The following KLHL5 variants were observed in gnomAD, a reference collection of about 807,000 sequenced individuals.
KLHL5 encodes kelch-like protein 5.
Under a neutral mutation model 77.7 loss-of-function variants are expected in KLHL5, and 48 were observed. The observed-to-expected ratio is 0.62, with a 90% CI of 0.49 to 0.79. The LOEUF is 0.79. Ranked by LOEUF, KLHL5 falls within the 30% of genes least tolerant of loss-of-function variation. The pLI, the probability that KLHL5 is intolerant of heterozygous loss-of-function variation, is 0.00. For missense variants in KLHL5, 723 were observed against 859.7 expected, an observed-to-expected ratio of 0.84 and a Z score of 1.99; for synonymous variants, 260 against 297.0, an observed-to-expected ratio of 0.88 and a Z score of 1.28.
At chr4:39,130,104 A>G (rs1723738124), downstream of KLHL5, among the ~76,000 whole-genome samples, 1 of 152,192 alleles carries the variant, frequency 6.6e-6, no homozygotes, top group South Asian at 2.1e-4. Flanking sequence ...AAAGACATAT[A>G]CGCAGAAATA....
At chr4:39,127,630 T>C (rs1175658256), downstream of KLHL5, among the ~76,000 whole-genome samples, 3 of 152,034 alleles carry the variant, frequency 2.0e-5, no homozygotes, top group Admixed American at 1.3e-4. Context: ...ATTTTTTTTT[T>C]CTGTTTTTAT....
Position 39,121,156 on chromosome 4 carries a change from TGC to T in KLHL5, c.*91_*92del. The T allele has an allele frequency of 2.0e-6, 2 of 1,025,310 alleles. No homozygotes were observed. Among genetic ancestry groups the T allele is most frequent in the Admixed American group, 1.8e-5 (1 of 54,334 alleles). The allele number at this position is 1,025,310 out of a possible 1,614,324, so 63.5% of individuals were successfully genotyped here. The stretch of plus-strand genomic sequence containing the variant: ...TCAATGGATACATTTTTAGTAAATG[TGC>T]ATTGTCACAATCCTGGGCACAAAGT... On this transcript the variant is annotated 3_prime_UTR_variant, in exon 11 of 11. Transcript: ENST00000504108.
the KLHL5 span, among the ~76,000 whole-genome samples, chr4:39,134,866 G>A: frequency 6.6e-6 from 1 of 152,184 alleles, no homozygotes; most frequent in Non-Finnish European, 1.5e-5. Flanking sequence ...ATGAGAGCAT[G>A]AGCCATTAGC....
chr4:39,136,120 ATAATT>A, the KLHL5 span, among the ~76,000 whole-genome samples: 1 of 151,896 alleles, frequency 6.6e-6, no homozygotes, highest in South Asian at 2.1e-4. Context: ...TAGTACTTAA[ATAATT>A]TAAAGTTTAT....
chr4:39,050,953 TTGAC>T (rs919286351), intron 1 of KLHL5, among the ~76,000 whole-genome samples: 4 of 152,240 alleles, frequency 2.6e-5, no homozygotes, highest in African/African-American at 9.6e-5. Context: ...AGGGTAAGGA[TTGAC>T]TGAATTGTCT....
chr4:39,048,638 C>CTTTTTTTTTTTTTTTTTT lies in KLHL5; in HGVS notation c.-95+3546_-95+3563dup, dbSNP rs34713116. Reference sequence around the variant, plus strand: ...AAAGGATGTGGTGATTTTACATTGGCTTTTTTTTTTTTTTTTTTTTTGGAG... The same window carrying CTTTTTTTTTTTTTTTTTT: ...AAAGGATGTGGTGATTTTACATTGGCTTTTTTTTTTTTTTTTTTTTTTTTTTTTTTTTTTTTTTTGGAG... On this transcript the variant is annotated intron_variant, in intron 1 of 11. Coordinates refer to the KLHL5 transcript ENST00000261425. Among the ~76,000 whole-genome samples, 52 of 79,140 alleles carry CTTTTTTTTTTTTTTTTTT rather than the reference C, an allele frequency of 6.6e-4. 7 individuals carry two copies. Among genetic ancestry groups the CTTTTTTTTTTTTTTTTTT allele is most frequent in the African/African-American group, 2.6e-3 (49 of 18,590 alleles). 51.9% of individuals were successfully genotyped at this position (79,140 alleles called of 152,430 possible). A position where few individuals can be genotyped will look rare whatever the true frequency, so the allele number is the denominator to read the frequency against.
chr4:39,094,659 G>C (rs1265087733), intron 5 of KLHL5, among the ~76,000 whole-genome samples: 1 of 151,146 alleles, frequency 6.6e-6, no homozygotes, highest in Non-Finnish European at 1.5e-5. Flanking sequence ...CAAATAGATC[G>C]ATAGAACAGA....
In KLHL5 at chr4:39,081,965, C is replaced by T. The variant is rs755832717; in HGVS notation, c.706C>T (p.Arg236Cys). The change falls in exon 4 of 11, where the codon CGC becomes TGC. Residue 236 changes from arginine (R) to cysteine (C), a missense_variant and splice_region_variant. Around this residue, in one of 3 missense-constraint regions of KLHL5, gnomAD observed 288 missense variants for 400.3 expected, o/e 0.72. Transcript: ENST00000504108. The surrounding 1 kb of genome is among the most constrained non-coding windows in gnomAD (Gnocchi z 4.3). Reference sequence around the variant, plus strand: ...TGGAATTTCTTTTTATCATTAAGGCCGCCTTGAATTAAAAGAAGATAATAT... The same window carrying T: ...TGGAATTTCTTTTTATCATTAAGGCTGCCTTGAATTAAAAGAAGATAATAT... The part of the protein sequence containing the change: ...WSLIQYAYTG[R>C]LELKEDNIEC... 1.1e-5 allele frequency: 18 copies of T among 1,578,864 alleles called. No individual in the cohort carries two copies. The East Asian group carries it at 3.1e-4, about 28-fold the overall frequency.
chr4:39,077,531 A>G (rs1304128417), intron 2 of KLHL5, among the ~76,000 whole-genome samples: 7 of 152,084 alleles, frequency 4.6e-5, no homozygotes. Context: ...ACAAGGCAAT[A>G]CCACCTTACT....
Position 39,126,006 on chromosome 4 carries a change from G to C in KLHL5, c.*4940G>C, listed in dbSNP as rs1381635072. On this transcript the variant is annotated 3_prime_UTR_variant, in exon 11 of 11. Coordinates refer to ENST00000504108, the MANE Select transcript of KLHL5 (RefSeq NM_015990.5). ...GAATTTCTAAAAATCTAACAGAAAG[G>C]CTCTTAAATCTTAATTTCAACCTAA... is the stretch of plus-strand genomic sequence containing the variant. Among the ~76,000 whole-genome samples the C allele has an allele frequency of 6.6e-6, 1 of 152,016 alleles. No homozygotes were observed. Among genetic ancestry groups the C allele is most frequent in the African/African-American group, 2.4e-5 (1 of 41,364 alleles).
chr4:39,115,803 A>ACCTG (rs1457034662), intron 10 of KLHL5: 1 of 1,023,720 alleles, frequency 9.8e-7, no homozygotes, highest in Non-Finnish European at 1.2e-6. Context: ...TGAGTAAGAA[A>ACCTG]CCTGATCTGG....
At chr4:39,069,565 TATAA>T (rs1257498244) in intron 1 of KLHL5, among the ~76,000 whole-genome samples, 1 of 91,246 alleles carries the variant, frequency 1.1e-5, no homozygotes, top group African/African-American at 4.0e-5. Context: ...TATATATATA[TATAA>T]ACCATAGAGC....
At position 39,125,598 on chromosome 4, in the gene KLHL5, A is replaced by G. The variant is rs1360939554; in HGVS notation, c.*4532A>G. ...GCCAAGTGAAAGAAGGCAGACACAA[A>G]AGGCAACGTATTGCATGAGTGCATT... On this transcript the variant is annotated 3_prime_UTR_variant, in exon 11 of 11. Transcript: ENST00000504108. Among the ~76,000 whole-genome samples the G allele has an allele frequency of 6.6e-6, 1 of 152,234 alleles. No individual in the cohort carries two copies. Among genetic ancestry groups the G allele is most frequent in the Non-Finnish European group, 1.5e-5 (1 of 68,044 alleles).
chr4:39,064,982 T>G (rs1717759440), intron 1 of KLHL5, among the ~76,000 whole-genome samples: 1 of 152,060 alleles, frequency 6.6e-6, no homozygotes, highest in Admixed American at 6.5e-5. Flanking sequence ...AAAATAAAAT[T>G]TCAAAAATAA....
At position 39,079,045 on chromosome 4, in the gene KLHL5, C is replaced by T. The variant is rs181158533; in HGVS notation, c.567-2058C>T. ...TGTGACAGAAAGTCCAGGTTATGAACGTGGGTTTGTTAGAAAAGCTATTTC... is the reference window on the plus strand; with the variant it reads ...TGTGACAGAAAGTCCAGGTTATGAATGTGGGTTTGTTAGAAAAGCTATTTC... On this transcript the variant is annotated intron_variant, in intron 2 of 10. Transcript: ENST00000504108. 2.8e-4 allele frequency among the ~76,000 whole-genome samples: 42 copies of T among 152,262 alleles called. No individual in the cohort carries two copies. The East Asian group carries it at 4.8e-3, about 17-fold the overall frequency.
chr4:39,099,883 A>G (rs1490651093), intron 6 of KLHL5, among the ~76,000 whole-genome samples: 1 of 152,234 alleles, frequency 6.6e-6, no homozygotes, highest in Non-Finnish European at 1.5e-5. Flanking sequence ...AAGATTTTCC[A>G]TTGTTCAGAT....
Position 39,063,036 on chromosome 4 carries a change from G to T in KLHL5, c.383+1G>T, listed in dbSNP as rs573267962. 1.2e-6 allele frequency: 2 copies of T among 1,607,320 alleles called. No individual in the cohort carries two copies. Among genetic ancestry groups the T allele is most frequent in the African/African-American group, 1.3e-5 (1 of 74,814 alleles). On this transcript the variant is annotated splice_donor_variant, in intron 1 of 10. Coordinates refer to ENST00000504108, the MANE Select transcript of KLHL5 (RefSeq NM_015990.5). LOFTEE classifies it high-confidence loss of function. ...ATGAATCTGATTCCAGTTCATGCAGGTTGATTATTTTCTTACTGTTAGAAA... is the reference window on the plus strand; with the variant it reads ...ATGAATCTGATTCCAGTTCATGCAGTTTGATTATTTTCTTACTGTTAGAAA...
chr4:39,118,758 A>G (rs1241129466), intron 10 of KLHL5, among the ~76,000 whole-genome samples: 1 of 149,454 alleles, frequency 6.7e-6, no homozygotes, highest in Non-Finnish European at 1.5e-5. Flanking sequence ...CTCCCTCTCA[A>G]AAAAAAAAAG....
intron 1 of KLHL5, among the ~76,000 whole-genome samples, chr4:39,048,262 G>C (rs1036847536): frequency 6.6e-6 from 1 of 152,184 alleles, no homozygotes; most frequent in Non-Finnish European, 1.5e-5. Flanking sequence ...AATCCATTCG[G>C]TTCTTGTGTT....
Sources: allele counts gnomAD v4.1 joint callset (sites outside exome capture counted in the v4.1 genomes callset), GRCh38; gene constraint gnomAD v4.1.1; regional missense constraint gnomAD v4.1.1; non-coding constraint Gnocchi (gnomAD v3.1); transcripts MANE v1.5; gene names NCBI Gene and HGNC (gene_info 2026-07-23, HGNC 2026-07-21).